LRRC4C: variants seen among roughly 807,000 people sequenced by gnomAD.
LRRC4C encodes leucine-rich repeat-containing protein 4C.
A neutral mutation model predicts 33.6 loss-of-function variants in LRRC4C; 5 were observed. The ratio of observed to expected loss-of-function variants is 0.15; its 90% CI spans 0.08 to 0.31. The LOEUF is 0.31. Among genes scored for constraint, LRRC4C ranks in the 10% least tolerant of loss-of-function variants. The probability of loss-of-function intolerance (pLI) is 1.00; values close to 1 mark genes in which losing one functional copy is unlikely to be tolerated. For synonymous variants in LRRC4C, 329 were observed against 302.0 expected, an observed-to-expected ratio of 1.09 and a Z score of -0.93; for missense variants, 560 against 796.7, an observed-to-expected ratio of 0.70 and a Z score of 3.58.
At chr11:41,009,090 A>C in intron 1 of LRRC4C, among the ~76,000 whole-genome samples, 1 of 152,110 alleles carries the variant, frequency 6.6e-6, no homozygotes, top group East Asian at 1.9e-4. Context: ...TAGCAAGAGA[A>C]GAATTCTTTT....
chr11:41,417,694 C>T (rs533261226), intron 1 of LRRC4C, among the ~76,000 whole-genome samples: 12 of 151,944 alleles, frequency 7.9e-5, no homozygotes, highest in African/African-American at 2.7e-4. Flanking sequence ...TACCAACATC[C>T]AGCTCCCTTA....
intron 2 of LRRC4C, among the ~76,000 whole-genome samples, chr11:40,788,001 T>C (rs1950485545): frequency 1.3e-5 from 2 of 152,186 alleles, no homozygotes; most frequent in Admixed American, 1.3e-4. Context: ...ACCGCACTGT[T>C]ACCTATGTTA....
chr11:41,316,457 T>C (rs1026081205), intron 1 of LRRC4C, among the ~76,000 whole-genome samples: 1 of 152,148 alleles, frequency 6.6e-6, no homozygotes, highest in Non-Finnish European at 1.5e-5. Flanking sequence ...TAAGTACATC[T>C]AAATAATTTC....
intron 3 of LRRC4C, among the ~76,000 whole-genome samples, chr11:40,507,045 C>A (rs920261350): frequency 6.6e-6 from 1 of 151,746 alleles, no homozygotes; most frequent in Non-Finnish European, 1.5e-5. Flanking sequence ...GAGGCTGAAA[C>A]ACAAAAATAA....
Position 40,586,669 on chromosome 11 carries a change from A to G in LRRC4C, c.-270+61473T>C, listed in dbSNP as rs1565531685. ...TTTTTGTATAAGGTGTAAGGAAGGG[A>G]TCCAGTTTCAGCTTTCTACATATGG... On this transcript the variant is annotated intron_variant, in intron 3 of 6. Coordinates refer to ENST00000528697, the MANE Select transcript of LRRC4C (RefSeq NM_001258419.2). Among the ~76,000 whole-genome samples, 8 of 150,002 alleles carry G rather than the reference A, an allele frequency of 5.3e-5. No individual in the cohort carries two copies. The South Asian group carries it at 1.5e-3, about 28-fold the overall frequency.
chr11:40,484,650 T>TAAA (rs1213962296), intron 3 of LRRC4C, among the ~76,000 whole-genome samples: 1 of 152,094 alleles, frequency 6.6e-6, no homozygotes, highest in East Asian at 1.9e-4. Flanking sequence ...ATTTAAATGC[T>TAAA]TTAAAAAATT....
At chr11:41,375,465 A>G (rs1952904315) in intron 1 of LRRC4C, among the ~76,000 whole-genome samples, 1 of 152,168 alleles carries the variant, frequency 6.6e-6, no homozygotes, top group Admixed American at 6.5e-5. Flanking sequence ...TTTTAAGGGT[A>G]AGGTATAAGG....
chr11:40,296,463 T>A (rs1411697408), intron 4 of LRRC4C, among the ~76,000 whole-genome samples: 1 of 152,162 alleles, frequency 6.6e-6, no homozygotes, highest in Non-Finnish European at 1.5e-5. Context: ...AGCCAAAATT[T>A]GAACCCAGAT....
At chr11:40,404,653 C>T (rs1261450655) in intron 3 of LRRC4C, among the ~76,000 whole-genome samples, 2 of 152,008 alleles carry the variant, frequency 1.3e-5, no homozygotes, top group Non-Finnish European at 2.9e-5. Flanking sequence ...TTCATTGCTG[C>T]TGGCCTCCAA....
intron 3 of LRRC4C, among the ~76,000 whole-genome samples, chr11:40,472,093 T>C (rs6485199): frequency 0.34 from 51,976 of 151,660 alleles, 9,580 homozygotes; most frequent in East Asian, 0.57. Flanking sequence ...CTGGCTAACA[T>C]GGTGAAACCC....
At chr11:40,575,174 C>T (rs1035969700) in intron 3 of LRRC4C, among the ~76,000 whole-genome samples, 9 of 152,084 alleles carry the variant, frequency 5.9e-5, no homozygotes, top group African/African-American at 2.2e-4. Context: ...TCTCAGGTTT[C>T]TAGCTCATGA....
Position 41,279,397 on chromosome 11 carries a change from C to T in LRRC4C, c.-496+180034G>A, listed in dbSNP as rs535261500. The stretch of plus-strand genomic sequence containing the variant: ...ACACACACAAACACACACACACACA[C>T]ACACACACACACACACACACACACA... On this transcript the variant is annotated intron_variant, in intron 1 of 6. Transcript: ENST00000528697. Among the ~76,000 whole-genome samples the T allele has an allele frequency of 2.1e-5, 3 of 141,938 alleles. No homozygotes were observed. In the East Asian group the frequency reaches 6.8e-4, roughly 32 times the overall value. 93.1% of individuals were successfully genotyped at this position (141,938 alleles called of 152,430 possible).
At chr11:41,060,457 G>A (rs61877032) in intron 1 of LRRC4C, among the ~76,000 whole-genome samples, 10,993 of 152,154 alleles carry the variant, frequency 0.072, 430 homozygotes, top group Non-Finnish European at 0.095. Context: ...TTTGTTTCTG[G>A]CGAGTACCCT....
intron 1 of LRRC4C, among the ~76,000 whole-genome samples, chr11:40,939,245 G>A (rs945982795): frequency 1.3e-5 from 2 of 152,064 alleles, no homozygotes; most frequent in Admixed American, 6.6e-5. Flanking sequence ...TTTTAAAAAG[G>A]TGGCACAATG....
intron 2 of LRRC4C, among the ~76,000 whole-genome samples, chr11:40,701,993 A>C (rs1945881968): frequency 6.6e-6 from 1 of 151,908 alleles, no homozygotes; most frequent in Non-Finnish European, 1.5e-5. Context: ...AATAATTAGT[A>C]AATATAATAC....
intron 1 of LRRC4C, among the ~76,000 whole-genome samples, chr11:41,356,763 A>G (rs1035152354): frequency 2.0e-5 from 3 of 152,144 alleles, no homozygotes; most frequent in Non-Finnish European, 4.4e-5. Context: ...ATAATAGTCT[A>G]TCTGCTACCG....
intron 5 of LRRC4C, among the ~76,000 whole-genome samples, chr11:40,161,142 A>T (rs764218806): frequency 7.9e-5 from 12 of 152,186 alleles, no homozygotes; most frequent in Non-Finnish European, 1.8e-4. Flanking sequence ...AAAAAAATGA[A>T]ATCTCTTTAC....
chr11:41,294,160 T>G (rs183535575), intron 1 of LRRC4C, among the ~76,000 whole-genome samples: 37 of 152,316 alleles, frequency 2.4e-4, no homozygotes, highest in Non-Finnish European at 3.8e-4. Flanking sequence ...TCTGGGATCA[T>G]GCTCAAGTAT....
intron 2 of LRRC4C, among the ~76,000 whole-genome samples, chr11:40,662,235 G>A (rs1943476571): frequency 6.6e-6 from 1 of 152,112 alleles, no homozygotes; most frequent in South Asian, 2.1e-4. Flanking sequence ...AATCCTAGGT[G>A]GCCAGATCAC....
Sources: allele counts gnomAD v4.1 joint callset (sites outside exome capture counted in the v4.1 genomes callset), GRCh38; gene constraint gnomAD v4.1.1; transcripts MANE v1.5; gene names NCBI Gene and HGNC (gene_info 2026-07-23, HGNC 2026-07-21).